Variants in DKK2 observed in about 807,000 individuals in gnomAD.
The protein encoded by DKK2 is dickkopf-related protein 2.
In DKK2, 11 loss-of-function variants were observed where a neutral mutation model predicts 28.1. The ratio of observed to expected loss-of-function variants is 0.39; its 90% CI spans 0.25 to 0.65. The LOEUF (loss-of-function observed/expected upper bound fraction) is 0.65. Ranked by LOEUF, DKK2 falls within the 30% of genes least tolerant of loss-of-function variation. The pLI is 0.47. For synonymous variants in DKK2, 135 were observed against 126.5 expected (o/e 1.07, Z -0.45); for missense variants, 326 against 335.5 (o/e 0.97, Z 0.22).
chr4:107,031,795 C>T (rs1012896712), intron 1 of DKK2, among the ~76,000 whole-genome samples: 31 of 151,958 alleles, frequency 2.0e-4, no homozygotes, highest in African/African-American at 7.5e-4. Flanking sequence ...TTCATTCACA[C>T]AGAAAAATAT....
At chr4:106,965,339 C>A (rs943654428) in intron 1 of DKK2, among the ~76,000 whole-genome samples, 3 of 152,094 alleles carry the variant, frequency 2.0e-5, no homozygotes, top group Middle Eastern at 3.4e-3. Flanking sequence ...GACAACATAA[C>A]CTTTTGTGAG....
At chr4:106,970,085 A>C (rs995648194) in intron 1 of DKK2, among the ~76,000 whole-genome samples, 3 of 152,120 alleles carry the variant, frequency 2.0e-5, no homozygotes, top group Admixed American at 1.3e-4. Flanking sequence ...CTTTTATTCG[A>C]ATTCTAGTTC....
chr4:106,994,792 G>T (rs1005293808), intron 1 of DKK2, among the ~76,000 whole-genome samples: 2 of 152,188 alleles, frequency 1.3e-5, no homozygotes, highest in Admixed American at 6.5e-5. Context: ...AAGTCCTGGT[G>T]CTACTCCATG....
At chr4:106,996,348 G>C (rs1723272254) in intron 1 of DKK2, among the ~76,000 whole-genome samples, 2 of 152,142 alleles carry the variant, frequency 1.3e-5, no homozygotes, top group Admixed American at 6.5e-5. Context: ...TTTGGACCAG[G>C]ATTCCATTCT....
chr4:107,002,925 A>G (rs1723383365), intron 1 of DKK2, among the ~76,000 whole-genome samples: 1 of 152,200 alleles, frequency 6.6e-6, no homozygotes, highest in South Asian at 2.1e-4. Context: ...ATTAAATTAG[A>G]TAACATAAAA....
At chr4:106,965,003 A>AGATAGATAGATT (rs1205434016) in intron 1 of DKK2, among the ~76,000 whole-genome samples, 1 of 146,730 alleles carries the variant, frequency 6.8e-6, no homozygotes, top group Admixed American at 6.7e-5. Flanking sequence ...ATAGATAGAT[A>AGATAGATAGATT]GATTGATTGA....
chr4:106,987,670 T>C (rs1384375228), intron 1 of DKK2, among the ~76,000 whole-genome samples: 1 of 152,058 alleles, frequency 6.6e-6, no homozygotes, highest in African/African-American at 2.4e-5. Context: ...GGCACCCTAA[T>C]AATGAGCATA....
At chr4:106,996,013 A>ACTC (rs1723267527) in intron 1 of DKK2, among the ~76,000 whole-genome samples, 1 of 152,052 alleles carries the variant, frequency 6.6e-6, no homozygotes, top group Non-Finnish European at 1.5e-5. Flanking sequence ...TTTGTCTCAG[A>ACTC]CTCTTAATTC....
At chr4:107,035,118 G>T (rs1723942102) in intron 1 of DKK2, among the ~76,000 whole-genome samples, 2 of 152,248 alleles carry the variant, frequency 1.3e-5, no homozygotes, top group Middle Eastern at 6.8e-3. Context: ...ACTAGATCTT[G>T]ATATGTGCCC....
At chr4:106,962,681 C>T (rs1245226437) in intron 1 of DKK2, among the ~76,000 whole-genome samples, 1 of 151,896 alleles carries the variant, frequency 6.6e-6, no homozygotes, top group Non-Finnish European at 1.5e-5. Context: ...GGAAACACTC[C>T]AAGACATTTG....
intron 1 of DKK2, among the ~76,000 whole-genome samples, chr4:106,978,458 G>C (rs1722975646): frequency 6.6e-6 from 1 of 152,158 alleles, no homozygotes; most frequent in Admixed American, 6.5e-5. Flanking sequence ...GGAATCTAGA[G>C]AGGCAGTCTG....
At chr4:107,005,511 C>G (rs376273249) in intron 1 of DKK2, among the ~76,000 whole-genome samples, 24 of 152,044 alleles carry the variant, frequency 1.6e-4, no homozygotes, top group African/African-American at 5.1e-4. Context: ...CTTCTTGATG[C>G]CTTTAACACA....
At chr4:106,983,119 T>C (rs1010229585) in intron 1 of DKK2, among the ~76,000 whole-genome samples, 2 of 151,034 alleles carry the variant, frequency 1.3e-5, no homozygotes, top group African/African-American at 4.9e-5. Context: ...AATCAGAAAT[T>C]ATGCAATATT....
chr4:106,978,050 C>A (rs1722971062), intron 1 of DKK2, among the ~76,000 whole-genome samples: 1 of 152,202 alleles, frequency 6.6e-6, no homozygotes, highest in Non-Finnish European at 1.5e-5. Flanking sequence ...CCCTGTTTGC[C>A]TGGATATCAC....
intron 1 of DKK2, among the ~76,000 whole-genome samples, chr4:106,981,531 T>C (rs1723026739): frequency 6.6e-6 from 1 of 152,250 alleles, no homozygotes; most frequent in South Asian, 2.1e-4. Flanking sequence ...CATATTTGAA[T>C]TTCCCCCTTT....
chr4:106,939,086 A>G lies in DKK2; in HGVS notation c.223-13137T>C, dbSNP rs564634106. Among the ~76,000 whole-genome samples the G allele has an allele frequency of 1.3e-5, 2 of 152,310 alleles. 1 individual carries two copies. Among genetic ancestry groups the G allele is most frequent in the South Asian group, 4.1e-4 (2 of 4,830 alleles). ...ATGCCCTCTCTCACCACTCCTATTC[A>G]ACATAGTGTTGGACGTTTTGGCCAG... On this transcript the variant is annotated intron_variant, in intron 1 of 3. Transcript: ENST00000285311.
At chr4:106,952,200 A>C (rs1451942897) in intron 1 of DKK2, among the ~76,000 whole-genome samples, 3 of 152,100 alleles carry the variant, frequency 2.0e-5, no homozygotes, top group African/African-American at 2.4e-5. Context: ...AAAAAGTAAA[A>C]ATCTATTTAC....
chr4:106,953,250 A>G (rs993319378), intron 1 of DKK2, among the ~76,000 whole-genome samples: 2 of 152,210 alleles, frequency 1.3e-5, no homozygotes, highest in African/African-American at 2.4e-5. Flanking sequence ...CGGGGCAACC[A>G]GCATTGAGTG....
In DKK2 at chr4:106,936,245, A is replaced by G. The variant is rs574735491; in HGVS notation, c.223-10296T>C. On this transcript the variant is annotated intron_variant, in intron 1 of 3. Transcript: ENST00000285311. ...AAAATTTAGAAGAATGTATAACTAG[A>G]ATAACCAATACAGAGAAGTGCTTAA... Among the ~76,000 whole-genome samples the G allele has an allele frequency of 3.1e-3, 473 of 152,094 alleles. 2 individuals are homozygous for G. Among genetic ancestry groups the G allele is most frequent in the African/African-American group, 0.011 (448 of 41,528 alleles).
Sources: gnomAD v4.1 joint callset for allele counts (sites outside exome capture counted in the v4.1 genomes callset) on GRCh38, gnomAD v4.1.1 for gene constraint, MANE v1.5 for transcripts, NCBI Gene and HGNC (gene_info 2026-07-23, HGNC 2026-07-21) for gene names.